The following CXADR variants were observed in gnomAD, a reference collection of about 807,000 sequenced individuals.
CXADR encodes CXADR cell adhesion molecule, also known as coxsackievirus and adenovirus receptor.
A neutral mutation model predicts 40.3 loss-of-function variants in CXADR; 20 were observed. The ratio of observed to expected loss-of-function variants is 0.50; its 90% CI spans 0.35 to 0.72. The LOEUF is 0.72. CXADR is among the 30% of genes least tolerant of loss of function. The pLI is 0.01. For synonymous variants in CXADR, 150 were observed against 161.3 expected (o/e 0.93, Z 0.53); for missense variants, 332 against 449.1 (o/e 0.74, Z 2.36).
Position 17,568,282 on chromosome 21 carries a change from C to A in CXADR, c.*2590C>A, listed in dbSNP as rs2061239069. The stretch of plus-strand genomic sequence containing the variant: ...CAGCTGGGACTACAGGCTCCCATCA[C>A]CACGCTCGGCTAAGTTTTTGTAATT... On this transcript the variant is annotated 3_prime_UTR_variant, in exon 7 of 7. Coordinates refer to ENST00000284878, the MANE Select transcript of CXADR (RefSeq NM_001338.5). The A allele has an allele frequency of 1.3e-6, 1 of 788,924 alleles. No individual in the cohort carries two copies. The highest frequency in any genetic ancestry group is 1.5e-6 in the Non-Finnish European group (1 of 651,322). 48.9% of individuals were successfully genotyped at this position (788,924 alleles called of 1,614,324 possible).
intron 1 of CXADR, among the ~76,000 whole-genome samples, chr21:17,524,028 TTG>T (rs531486507): frequency 7.4e-5 from 11 of 148,678 alleles, no homozygotes; most frequent in Non-Finnish European, 1.5e-4. Flanking sequence ...CCAGGCGATT[TTG>T]TGTGTGTGTG....
At chr21:17,545,072 G>GTTTTTTTT (rs869189508) in intron 1 of CXADR, among the ~76,000 whole-genome samples, 3 of 55,424 alleles carry the variant, frequency 5.4e-5, no homozygotes, top group Non-Finnish European at 9.8e-5. Context: ...GCTCTAATGT[G>GTTTTTTTT]TTTTTTTTTT....
chr21:17,595,317 T>G (rs2061490675), downstream of CXADR, among the ~76,000 whole-genome samples: 2 of 152,078 alleles, frequency 1.3e-5, no homozygotes, highest in African/African-American at 4.8e-5. Context: ...TTAAAAAAAT[T>G]ATATTGTGTA....
intron 3 of CXADR, among the ~76,000 whole-genome samples, chr21:17,553,904 A>G (rs2061001988): frequency 6.6e-6 from 1 of 152,154 alleles, no homozygotes; most frequent in African/African-American, 2.4e-5. Flanking sequence ...GGTGTGAGCC[A>G]CCGCACCCAG....
rs1326723521 is a variant in CXADR at position 17,568,511 on chromosome 21, A to G, written c.*2819A>G. ...TACCATCCATCTCTTTAGGTTACAG[A>G]GGATAATTTGAAGAGAAATGTTACT... On this transcript the variant is annotated 3_prime_UTR_variant, in exon 7 of 7. Transcript: ENST00000284878. The G allele has an allele frequency of 4.1e-6, 4 of 983,430 alleles. No individual in the cohort carries two copies. The highest frequency in any genetic ancestry group is 1.1e-4 in the East Asian group (1 of 8,782). 60.9% of individuals were successfully genotyped at this position (983,430 alleles called of 1,614,324 possible). A position where few individuals can be genotyped will look rare whatever the true frequency, so the allele number is the denominator to read the frequency against.
chr21:17,598,858 A>G, the CXADR span: 2 of 1,569,374 alleles, frequency 1.3e-6, no homozygotes, highest in Admixed American at 1.8e-5. Context: ...CAAATCTTGA[A>G]GTCACATCAG....
the CXADR span, among the ~76,000 whole-genome samples, chr21:17,619,332 G>A: frequency 1.2e-4 from 18 of 152,260 alleles, no homozygotes; most frequent in African/African-American, 3.4e-4. Context: ...CCCACATGGC[G>A]TTCAAGGAGT....
In CXADR at chr21:17,522,320, G is replaced by C. The variant is rs534362075; in HGVS notation, c.43+9148G>C. 2.0e-5 allele frequency among the ~76,000 whole-genome samples: 3 copies of C among 151,620 alleles called. No homozygotes were observed. In the East Asian group the frequency reaches 5.8e-4, roughly 29 times the overall value. ...TGCACCACCACGCCTGGGTAATTTT[G>C]TATTTTTAGTAGAGCGGGGGTTTCT... is the stretch of plus-strand genomic sequence containing the variant. On this transcript the variant is annotated intron_variant, in intron 1 of 6. Transcript: ENST00000284878.
In CXADR at chr21:17,546,496, C is replaced by T. The variant is rs2849897; in HGVS notation, c.44-531C>T. The stretch of plus-strand genomic sequence containing the variant: ...GCAGAAGGCGAAGGGGAGGCAGGCA[C>T]GTCCCACGTGGCCAGAGCAGAGAAG... On this transcript the variant is annotated intron_variant, in intron 1 of 6. Transcript: ENST00000284878. Among the ~76,000 whole-genome samples, 175 of 152,284 alleles carry T rather than the reference C, an allele frequency of 1.1e-3. 2 individuals are homozygous for T. The highest frequency in any genetic ancestry group is 3.9e-3 in the African/African-American group (161 of 41,564).
chr21:17,583,243 C>G (rs998209762), intron 7 of CXADR, among the ~76,000 whole-genome samples: 1 of 152,076 alleles, frequency 6.6e-6, no homozygotes, highest in African/African-American at 2.4e-5. Context: ...ATATAGTAGA[C>G]CAGGAGAGCT....
chr21:17,526,033 T>C (rs1013698327), intron 1 of CXADR, among the ~76,000 whole-genome samples: 75 of 152,216 alleles, frequency 4.9e-4, no homozygotes, highest in Non-Finnish European at 7.3e-5. Context: ...ATGAAAAATA[T>C]TGGGATATTA....
intron 7 of CXADR, among the ~76,000 whole-genome samples, chr21:17,582,646 A>G (rs1029094415): frequency 1.3e-5 from 2 of 152,242 alleles, no homozygotes; most frequent in Non-Finnish European, 2.9e-5. Flanking sequence ...TGCTGATGAT[A>G]ATAATTGTAG....
At chr21:17,633,311 G>A in the CXADR span, 2 of 152,284 alleles carry the variant, frequency 1.3e-5, no homozygotes, top group Admixed American at 6.5e-5. Flanking sequence ...ATGCCTATAA[G>A]CTCAGCACTT....
chr21:17,609,799 C>A, the CXADR span, among the ~76,000 whole-genome samples: 1 of 152,048 alleles, frequency 6.6e-6, no homozygotes, highest in Non-Finnish European at 1.5e-5. Context: ...CTGTGTTATA[C>A]ACACGTATGG....
chr21:17,598,836 A>T, the CXADR span: 13 of 1,600,284 alleles, frequency 8.1e-6, no homozygotes, highest in Non-Finnish European at 1.1e-5. Flanking sequence ...TAAGAATAAA[A>T]TTAAAAACTT....
chr21:17,542,037 C>A, intron 1 of CXADR: 1 of 359,622 alleles, frequency 2.8e-6, no homozygotes, highest in Admixed American at 3.7e-5. Context: ...CTGTTTTTGC[C>A]AAATGGTGAT....
intron 1 of CXADR, among the ~76,000 whole-genome samples, chr21:17,531,595 C>T (rs997728246): frequency 1.3e-4 from 20 of 152,182 alleles, no homozygotes; most frequent in Non-Finnish European, 2.8e-4. Context: ...TCACAGGTGT[C>T]TCAGACTTGG....
chr21:17,592,314 A>G (rs921004993), intron 7 of CXADR, among the ~76,000 whole-genome samples: 2 of 151,950 alleles, frequency 1.3e-5, no homozygotes, highest in Non-Finnish European at 2.9e-5. Context: ...CTTATATAAA[A>G]TGGCTTCGTA....
chr21:17,592,244 T>A (rs1188476930), intron 7 of CXADR, among the ~76,000 whole-genome samples: 1 of 151,928 alleles, frequency 6.6e-6, no homozygotes, highest in Non-Finnish European at 1.5e-5. Flanking sequence ...TCCCTCAGTA[T>A]CCTTGGAGGA....
Sources: allele counts gnomAD v4.1 joint callset (sites outside exome capture counted in the v4.1 genomes callset), GRCh38; gene constraint gnomAD v4.1.1; transcripts MANE v1.5; gene names NCBI Gene and HGNC (gene_info 2026-07-23, HGNC 2026-07-21).